The following ILRUN variants were observed in gnomAD, a reference collection of about 807,000 sequenced individuals.
ILRUN encodes inflammation and lipid regulator with UBA-like and NBR1-like domains, also known as protein ILRUN.
Under a neutral mutation model 33.8 loss-of-function variants are expected in ILRUN, and 3 were observed. That is an observed-to-expected ratio of 0.09 (90% CI 0.04 to 0.23). The LOEUF is 0.23. ILRUN is among the 10% of genes least tolerant of loss of function. The probability of loss-of-function intolerance (pLI) is 1.00; values close to 1 mark genes in which losing one functional copy is unlikely to be tolerated. For missense variants in ILRUN, 210 were observed against 375.1 expected, an observed-to-expected ratio of 0.56 and a Z score of 3.64; for synonymous variants, 124 against 138.9, an observed-to-expected ratio of 0.89 and a Z score of 0.75.
intron 1 of ILRUN, among the ~76,000 whole-genome samples, chr6:34,691,219 G>T (rs1452946967): frequency 6.6e-6 from 1 of 152,070 alleles, no homozygotes; most frequent in African/African-American, 2.4e-5. Context: ...TCAGTTTCCG[G>T]TTTTACAATT....
Position 34,646,505 on chromosome 6 carries a change from T to A in ILRUN, c.511+96A>T. The A allele has an allele frequency of 1.7e-6, 2 of 1,189,140 alleles. No homozygotes were observed. The highest frequency in any genetic ancestry group is 2.4e-6 in the Non-Finnish European group (2 of 831,318). 73.7% of individuals were successfully genotyped at this position (1,189,140 alleles called of 1,614,324 possible). A position where few individuals can be genotyped will look rare whatever the true frequency, so the allele number is the denominator to read the frequency against. ...TGACTGTTAAAAAGAGGCCATGCCC[T>A]GTTATGCAATTTGACAGGCTCTGTG... On this transcript the variant is annotated intron_variant, in intron 3 of 4. Transcript: ENST00000374023. This position sits in a 1 kb window ranked among gnomAD's most constrained non-coding sequence, Gnocchi z 4.9.
At chr6:34,655,201 T>C (rs1448168135) in intron 1 of ILRUN, among the ~76,000 whole-genome samples, 2 of 152,150 alleles carry the variant, frequency 1.3e-5, no homozygotes, top group Non-Finnish European at 2.9e-5. Flanking sequence ...AGTCTTGAAC[T>C]CCTGAGCTCA....
chr6:34,620,343 T>G (rs780290763), intron 3 of ILRUN, among the ~76,000 whole-genome samples: 20 of 152,180 alleles, frequency 1.3e-4, no homozygotes, highest in Non-Finnish European at 2.4e-4. Context: ...AAATTATTAA[T>G]GCAAAAGTAC....
chr6:34,614,037 AG>A (rs1381802925), intron 3 of ILRUN, among the ~76,000 whole-genome samples: 4 of 152,250 alleles, frequency 2.6e-5, no homozygotes, highest in Non-Finnish European at 5.9e-5. Context: ...TAAACCAACC[AG>A]AAAGAACTTC....
chr6:34,682,288 C>T (rs371048753), intron 1 of ILRUN, among the ~76,000 whole-genome samples: 2 of 112,260 alleles, frequency 1.8e-5, no homozygotes, highest in East Asian at 2.7e-4. Context: ...GAGACAGTCT[C>T]GCTCTGTCGC....
At chr6:34,622,421 C>T (rs1038399330) in intron 3 of ILRUN, among the ~76,000 whole-genome samples, 1 of 152,068 alleles carries the variant, frequency 6.6e-6, no homozygotes, top group Non-Finnish European at 1.5e-5. Flanking sequence ...ATACACATTT[C>T]TATAAAAATA....
intron 3 of ILRUN, among the ~76,000 whole-genome samples, chr6:34,628,489 C>T (rs1044766242): frequency 2.0e-5 from 3 of 152,034 alleles, no homozygotes; most frequent in African/African-American, 7.2e-5. Flanking sequence ...CCTGCCACCA[C>T]GCCTGGCTAA....
At chr6:34,632,362 A>T (rs1762265901) in intron 3 of ILRUN, among the ~76,000 whole-genome samples, 1 of 152,098 alleles carries the variant, frequency 6.6e-6, no homozygotes, top group South Asian at 2.1e-4. Flanking sequence ...AATAGCGTGA[A>T]CCTGGGAGGC....
At chr6:34,652,134 C>A (rs1762683640) in intron 2 of ILRUN, among the ~76,000 whole-genome samples, 1 of 151,856 alleles carries the variant, frequency 6.6e-6, no homozygotes, top group Non-Finnish European at 1.5e-5. Context: ...GTTTTAAATT[C>A]AGAATAAAAA....
chr6:34,673,993 G>A (rs1462994389), intron 1 of ILRUN, among the ~76,000 whole-genome samples: 2 of 151,886 alleles, frequency 1.3e-5, no homozygotes, highest in South Asian at 2.1e-4. Flanking sequence ...GAAATGGGGT[G>A]AGTGAAACAA....
rs1562033008 is a variant in ILRUN, at chr6:34,683,463, C to CGT, written c.158+12982_158+12983insAC. Among the ~76,000 whole-genome samples, 10 of 102,698 alleles carry CGT rather than the reference C, an allele frequency of 9.7e-5. No individual in the cohort carries two copies. The East Asian group carries it at 2.2e-3, about 22-fold the overall frequency. The allele number at this position is 102,698 out of a possible 152,430, so 67.4% of individuals were successfully genotyped here. On this transcript the variant is annotated intron_variant, in intron 1 of 4. Transcript: ENST00000374023. The stretch of plus-strand genomic sequence containing the variant: ...ATACATATATATATACATATATATA[C>CGT]ATATATATACACATATATATATACA...
At chr6:34,600,051 C>T (rs563146347) in intron 4 of ILRUN, among the ~76,000 whole-genome samples, 12 of 152,348 alleles carry the variant, frequency 7.9e-5, no homozygotes, top group East Asian at 7.7e-4. Context: ...GCCTGGATGA[C>T]GGCATTAACT....
At position 34,601,209 on chromosome 6, in the gene ILRUN, AT is replaced by A. The variant is rs1169882495; in HGVS notation, c.861+5345del. The stretch of plus-strand genomic sequence containing the variant: ...ACACTGATAAATTTTAATAACAAAA[AT>A]TAAATTTAAAAAAGTCCTCAGCACA... On this transcript the variant is annotated intron_variant, in intron 4 of 4. Transcript: ENST00000374023. Among the ~76,000 whole-genome samples the A allele has an allele frequency of 9.8e-5, 15 of 152,318 alleles. No individual in the cohort carries two copies. The East Asian group carries it at 2.9e-3, about 29-fold the overall frequency.
At chr6:34,685,948 A>C (rs1159131769) in intron 1 of ILRUN, among the ~76,000 whole-genome samples, 1 of 152,152 alleles carries the variant, frequency 6.6e-6, no homozygotes, top group Non-Finnish European at 1.5e-5. Flanking sequence ...CAACAACCTA[A>C]ATATAAAGAA....
At chr6:34,672,291 C>T (rs534677069) in intron 1 of ILRUN, among the ~76,000 whole-genome samples, 9 of 152,144 alleles carry the variant, frequency 5.9e-5, no homozygotes, top group Admixed American at 3.3e-4. Context: ...ATGGGGGTTT[C>T]GCCACATTGC....
intron 1 of ILRUN, among the ~76,000 whole-genome samples, chr6:34,656,663 C>A (rs770809366): frequency 6.6e-6 from 1 of 152,174 alleles, no homozygotes; most frequent in Non-Finnish European, 1.5e-5. Context: ...TCTGACAGTA[C>A]ACAACTGATC....
At chr6:34,634,556 A>C (rs1762316248) in intron 3 of ILRUN, among the ~76,000 whole-genome samples, 1 of 152,150 alleles carries the variant, frequency 6.6e-6, no homozygotes. Flanking sequence ...AAAATTGGGA[A>C]ATCTATCAAA....
chr6:34,592,870 A>T lies in ILRUN; in HGVS notation c.862-2270T>A, dbSNP rs1319608450. On this transcript the variant is annotated intron_variant, in intron 4 of 4. Coordinates refer to ENST00000374023, the MANE Select transcript of ILRUN (RefSeq NM_024294.4). This position sits in a 1 kb window ranked among gnomAD's most constrained non-coding sequence, Gnocchi z 4.0. ...AAAGGTCTCTGTGCAGGAAAAAAAA[A>T]TGCACAGCAAAAAGAAAACCTTGCT... is the stretch of plus-strand genomic sequence containing the variant. 6.6e-6 allele frequency among the ~76,000 whole-genome samples: 1 copy of T among 152,212 alleles called. No homozygotes were observed. The highest frequency in any genetic ancestry group is 1.5e-5 in the Non-Finnish European group (1 of 68,034).
intron 1 of ILRUN, among the ~76,000 whole-genome samples, chr6:34,674,659 G>A (rs1038385514): frequency 1.3e-5 from 2 of 152,160 alleles, no homozygotes; most frequent in African/African-American, 2.4e-5. Flanking sequence ...TTAACAAGCT[G>A]ACAGAACTAC....
Sources: allele counts gnomAD v4.1 joint callset (sites outside exome capture counted in the v4.1 genomes callset), GRCh38; gene constraint gnomAD v4.1.1; non-coding constraint Gnocchi (gnomAD v3.1); transcripts MANE v1.5; gene names NCBI Gene and HGNC (gene_info 2026-07-23, HGNC 2026-07-21).